CNTNAP2: variants seen among roughly 807,000 people sequenced by gnomAD.
CNTNAP2 encodes the protein contactin associated protein 2.
Under a neutral mutation model 155.2 loss-of-function variants are expected in CNTNAP2, and 98 were observed. The observed-to-expected ratio is 0.63, with a 90% confidence interval of 0.54 to 0.75. The LOEUF is 0.75. Among genes scored for constraint, CNTNAP2 ranks in the 30% least tolerant of loss-of-function variants. The probability of loss-of-function intolerance (pLI) is 0.00; values close to 1 mark genes in which losing one functional copy is unlikely to be tolerated. For synonymous variants in CNTNAP2, 651 were observed against 631.2 expected, an observed-to-expected ratio of 1.03 and a Z score of -0.47; for missense variants, 1,727 against 1,688.1, an observed-to-expected ratio of 1.02 and a Z score of -0.40.
chr7:146,907,814 T>G (rs1172038578), intron 3 of CNTNAP2, among the ~76,000 whole-genome samples: 1 of 151,886 alleles, frequency 6.6e-6, no homozygotes, highest in South Asian at 2.1e-4. Context: ...TAACTTTAAA[T>G]GTAAATGGAC....
intron 1 of CNTNAP2, among the ~76,000 whole-genome samples, chr7:146,495,226 G>A (rs544203594): frequency 2.0e-5 from 3 of 152,198 alleles, no homozygotes; most frequent in African/African-American, 7.2e-5. Flanking sequence ...CCAAGGGAGA[G>A]AACAGATTTC....
chr7:148,251,891 A>G lies in CNTNAP2; in HGVS notation c.3382-15142A>G, dbSNP rs183991736. On this transcript the variant is annotated intron_variant, in intron 20 of 23. Transcript: ENST00000361727. Reference sequence around the variant, plus strand: ...CTTGCCTCATTCTGCAGAAGTTCCCAGCCATGCTGTAGCCCCAGTTCCATA... The same window carrying G: ...CTTGCCTCATTCTGCAGAAGTTCCCGGCCATGCTGTAGCCCCAGTTCCATA... Among the ~76,000 whole-genome samples, 262 of 152,282 alleles carry G rather than the reference A, an allele frequency of 1.7e-3. 1 individual carries two copies. The highest frequency in any genetic ancestry group is 3.9e-3 in the East Asian group (20 of 5,174).
At chr7:146,174,227 GA>G (rs935129678) in intron 1 of CNTNAP2, among the ~76,000 whole-genome samples, 5 of 150,142 alleles carry the variant, frequency 3.3e-5, no homozygotes, top group African/African-American at 7.3e-5. Flanking sequence ...AGAAAAAAAA[GA>G]AAAAAAACCC....
chr7:147,880,854 G>GGTGTGTGTGTGTGT (rs71183032), intron 13 of CNTNAP2, among the ~76,000 whole-genome samples: 67 of 143,180 alleles, frequency 4.7e-4, no homozygotes, highest in East Asian at 4.0e-3. Context: ...ATTGGAGTTG[G>GGTGTGTGTGTGTGT]GTGTGTGTGT....
At chr7:147,617,203 C>T (rs1023864632) in intron 12 of CNTNAP2, among the ~76,000 whole-genome samples, 2 of 152,178 alleles carry the variant, frequency 1.3e-5, no homozygotes, top group African/African-American at 4.8e-5. Context: ...GCTCTGTCAC[C>T]AGCTTGCTCC....
At chr7:147,695,513 C>T (rs1267106220) in intron 13 of CNTNAP2, among the ~76,000 whole-genome samples, 1 of 152,090 alleles carries the variant, frequency 6.6e-6, no homozygotes, top group African/African-American at 2.4e-5. Flanking sequence ...AGTATTTTTA[C>T]ATTCTGGCCG....
intron 1 of CNTNAP2, among the ~76,000 whole-genome samples, chr7:146,627,868 C>A (rs1335181061): frequency 6.6e-6 from 1 of 152,054 alleles, no homozygotes; most frequent in Non-Finnish European, 1.5e-5. Flanking sequence ...TTACTACTTT[C>A]TTCTTTTATA....
intron 1 of CNTNAP2, among the ~76,000 whole-genome samples, chr7:146,199,178 T>G (rs968579133): frequency 1.3e-5 from 2 of 152,234 alleles, no homozygotes; most frequent in Non-Finnish European, 2.9e-5. Context: ...CCATCTCTGT[T>G]ACTTGTTGGG....
intron 19 of CNTNAP2, among the ~76,000 whole-genome samples, chr7:148,218,024 C>G (rs1051291403): frequency 1.2e-4 from 19 of 152,148 alleles, no homozygotes; most frequent in African/African-American, 4.6e-4. Context: ...ACTCAGGAGG[C>G]CAAGATGGGA....
intron 15 of CNTNAP2, among the ~76,000 whole-genome samples, chr7:148,009,873 C>T (rs2116903844): frequency 6.6e-6 from 1 of 152,044 alleles, no homozygotes; most frequent in African/African-American, 2.4e-5. Context: ...ATATTGCTTT[C>T]AGTTTTTTAT....
intron 1 of CNTNAP2, among the ~76,000 whole-genome samples, chr7:146,489,230 CT>C (rs1313747762): frequency 6.6e-6 from 1 of 152,132 alleles, no homozygotes; most frequent in Non-Finnish European, 1.5e-5. Context: ...TTAAAAGTTA[CT>C]GAAAACTCCT....
At chr7:148,331,721 G>A in intron 21 of CNTNAP2, among the ~76,000 whole-genome samples, 1 of 150,292 alleles carries the variant, frequency 6.7e-6, no homozygotes, top group East Asian at 2.0e-4. Flanking sequence ...GTGGACGGAT[G>A]GATTGGATGG....
intron 21 of CNTNAP2, among the ~76,000 whole-genome samples, chr7:148,362,408 A>G (rs1010821778): frequency 3.5e-4 from 53 of 152,296 alleles, no homozygotes; most frequent in African/African-American, 1.2e-3. Context: ...TTCCATAAAA[A>G]GGTCACACTC....
intron 14 of CNTNAP2, among the ~76,000 whole-genome samples, chr7:147,920,603 A>G (rs979958683): frequency 6.6e-6 from 1 of 152,134 alleles, no homozygotes; most frequent in African/African-American, 2.4e-5. Context: ...ACTCAGAAAC[A>G]TTCATTTATA....
chr7:146,720,943 CTATA>C (rs1801279041), intron 1 of CNTNAP2, among the ~76,000 whole-genome samples: 1 of 131,212 alleles, frequency 7.6e-6, no homozygotes, highest in South Asian at 2.3e-4. Context: ...TATACTTTCT[CTATA>C]TATTCTATAT....
At chr7:147,675,456 G>A (rs760958670) in intron 13 of CNTNAP2, among the ~76,000 whole-genome samples, 1 of 152,006 alleles carries the variant, frequency 6.6e-6, no homozygotes, top group Non-Finnish European at 1.5e-5. Flanking sequence ...CACTAGTGTC[G>A]ATCCTGGTTC....
intron 9 of CNTNAP2, chr7:147,378,133 G>T: frequency 2.9e-6 from 1 of 342,720 alleles, no homozygotes; most frequent in Non-Finnish European, 5.9e-6. Flanking sequence ...TTTTTATACT[G>T]TATATTGTAG....
chr7:147,298,812 C>T (rs1794887728), intron 8 of CNTNAP2, among the ~76,000 whole-genome samples: 1 of 152,168 alleles, frequency 6.6e-6, no homozygotes, highest in Admixed American at 6.5e-5. Flanking sequence ...TCACATGTCA[C>T]TAAACATTAT....
intron 4 of CNTNAP2, among the ~76,000 whole-genome samples, chr7:147,105,329 C>G (rs959729594): frequency 6.6e-6 from 1 of 151,888 alleles, no homozygotes; most frequent in African/African-American, 2.4e-5. Flanking sequence ...TGTGGAAACA[C>G]TATGATTTTG....
Sources: gnomAD v4.1 joint callset for allele counts (sites outside exome capture counted in the v4.1 genomes callset) on GRCh38, gnomAD v4.1.1 for gene constraint, MANE v1.5 for transcripts, NCBI Gene and HGNC (gene_info 2026-07-23, HGNC 2026-07-21) for gene names.